The following PDE4B variants were observed in gnomAD, a reference collection of about 807,000 sequenced individuals.
PDE4B encodes the protein phosphodiesterase 4B.
A neutral mutation model predicts 82.2 loss-of-function variants in PDE4B; 20 were observed. That is an observed-to-expected ratio of 0.24 (90% CI 0.17 to 0.35). The LOEUF (loss-of-function observed/expected upper bound fraction) is 0.35, where lower values mean the gene tolerates loss of function less well. PDE4B is among the 10% of genes least tolerant of loss of function. PDE4B has a pLI of 1.00. For synonymous variants in PDE4B, 320 were observed against 318.9 expected (o/e 1.00, Z -0.04); for missense variants, 655 against 907.2 (o/e 0.72, Z 3.57).
At chr1:65,930,431 T>G (rs1647767238) in intron 3 of PDE4B, among the ~76,000 whole-genome samples, 1 of 152,226 alleles carries the variant, frequency 6.6e-6, no homozygotes, top group Non-Finnish European at 1.5e-5. Context: ...GCTTGTACCC[T>G]GCACCTGGAA....
At chr1:65,903,906 T>G (rs1027754075) in intron 1 of PDE4B, among the ~76,000 whole-genome samples, 1 of 152,212 alleles carries the variant, frequency 6.6e-6, no homozygotes, top group African/African-American at 2.4e-5. Context: ...TATATTTCAG[T>G]TAAGCCAGTA....
intron 3 of PDE4B, among the ~76,000 whole-genome samples, chr1:66,010,560 G>A (rs1341107940): frequency 1.3e-5 from 2 of 151,058 alleles, no homozygotes; most frequent in African/African-American, 4.8e-5. Flanking sequence ...TGGGCATTAA[G>A]TAGATATTAT....
chr1:66,192,607 C>A (rs1647918857), intron 3 of PDE4B, among the ~76,000 whole-genome samples: 2 of 152,138 alleles, frequency 1.3e-5, no homozygotes, highest in Admixed American at 1.3e-4. Context: ...GTGAGGTTCT[C>A]AAGAAATATA....
intron 3 of PDE4B, among the ~76,000 whole-genome samples, chr1:66,101,674 G>A (rs1446982617): frequency 6.6e-6 from 1 of 152,052 alleles, no homozygotes; most frequent in Middle Eastern, 3.2e-3. Flanking sequence ...CTTTTTGATG[G>A]GGTTGTTTGT....
chr1:66,204,451 G>A (rs1649357218), intron 3 of PDE4B, among the ~76,000 whole-genome samples: 1 of 152,250 alleles, frequency 6.6e-6, no homozygotes, highest in African/African-American at 2.4e-5. Context: ...CATAGGTGGA[G>A]CCTACAGAGG....
chr1:66,239,309 C>T (rs1275817697), intron 3 of PDE4B, among the ~76,000 whole-genome samples: 2 of 151,994 alleles, frequency 1.3e-5, no homozygotes, highest in Non-Finnish European at 2.9e-5. Context: ...TGCAAAGCCA[C>T]CCCCCTCCCT....
chr1:66,363,152 A>G lies in PDE4B; in HGVS notation c.1021-16A>G. Reference sequence around the variant, plus strand: ...ACTTTCCTTATTCCTAAATTCCTTTAAATTTTTAATTATAGGAGCTGGAAG... The same window carrying G: ...ACTTTCCTTATTCCTAAATTCCTTTGAATTTTTAATTATAGGAGCTGGAAG... On this transcript the variant is annotated splice_polypyrimidine_tract_variant and intron_variant, in intron 10 of 16. Transcript: ENST00000341517. 1 of 1,556,444 alleles carries G rather than the reference A, an allele frequency of 6.4e-7. No homozygotes were observed. Among genetic ancestry groups the G allele is most frequent in the African/African-American group, 1.4e-5 (1 of 72,834 alleles).
chr1:66,178,532 TTTAG>T (rs1188079279), intron 3 of PDE4B, among the ~76,000 whole-genome samples: 5 of 152,188 alleles, frequency 3.3e-5, no homozygotes, highest in African/African-American at 9.6e-5. Flanking sequence ...ATATTTAAAT[TTTAG>T]TTAATGAATA....
chr1:65,911,466 C>T (rs1647090035), intron 1 of PDE4B, among the ~76,000 whole-genome samples: 1 of 151,840 alleles, frequency 6.6e-6, no homozygotes, highest in South Asian at 2.1e-4. Flanking sequence ...GTTTTATATC[C>T]TGCGTTTAAA....
At chr1:66,050,623 C>T (rs1486207682) in intron 3 of PDE4B, 2 of 152,032 alleles carry the variant, frequency 1.3e-5, no homozygotes, top group Non-Finnish European at 2.9e-5. Flanking sequence ...AAAGCAATGC[C>T]TCCAGATGTA....
At chr1:66,351,145 A>G (rs1661787227) in intron 8 of PDE4B, among the ~76,000 whole-genome samples, 1 of 152,212 alleles carries the variant, frequency 6.6e-6, no homozygotes, top group South Asian at 2.1e-4. Context: ...GGAATTTTTT[A>G]TTAGAGTTTA....
chr1:65,896,641 A>G (rs1646913597), intron 1 of PDE4B, among the ~76,000 whole-genome samples: 1 of 152,178 alleles, frequency 6.6e-6, no homozygotes, highest in Non-Finnish European at 1.5e-5. Context: ...TATAGACTAC[A>G]TTTGTGGCTG....
chr1:66,364,000 G>A (rs897148042), intron 12 of PDE4B, among the ~76,000 whole-genome samples: 1 of 152,036 alleles, frequency 6.6e-6, no homozygotes, highest in Non-Finnish European at 1.5e-5. Flanking sequence ...TAACTGTAAA[G>A]CAATTAACAG....
intron 3 of PDE4B, among the ~76,000 whole-genome samples, chr1:66,196,331 C>T (rs902294998): frequency 6.6e-6 from 1 of 152,098 alleles, no homozygotes; most frequent in African/African-American, 2.4e-5. Context: ...AGGATGATGC[C>T]CTAGGCCTTT....
At chr1:65,874,151 TC>T (rs1437966094) in intron 1 of PDE4B, among the ~76,000 whole-genome samples, 2 of 151,922 alleles carry the variant, frequency 1.3e-5, no homozygotes, top group African/African-American at 4.8e-5. Context: ...TAAGTTAGAT[TC>T]CTAGGTATTT....
chr1:66,090,616 A>ATTTGTGTGTGTGTGTGTGT (rs200925983), intron 3 of PDE4B, among the ~76,000 whole-genome samples: 1 of 89,942 alleles, frequency 1.1e-5, no homozygotes, highest in African/African-American at 4.6e-5. Context: ...ATATGTATAT[A>ATTTGTGTGTGTGTGTGTGT]ATATATGTGT....
intron 3 of PDE4B, among the ~76,000 whole-genome samples, chr1:66,083,134 A>G (rs895615566): frequency 6.6e-6 from 1 of 152,118 alleles, no homozygotes; most frequent in Non-Finnish European, 1.5e-5. Flanking sequence ...CCATGCCTAT[A>G]GTATTTTCTC....
chr1:65,815,049 AT>A (rs1645865574), intron 1 of PDE4B, among the ~76,000 whole-genome samples: 1 of 146,012 alleles, frequency 6.8e-6, no homozygotes, highest in Non-Finnish European at 1.5e-5. Flanking sequence ...TTATTTATTT[AT>A]TTATTTATTT....
chr1:66,313,241 C>T (rs1169671755), intron 7 of PDE4B, among the ~76,000 whole-genome samples: 1 of 152,208 alleles, frequency 6.6e-6, no homozygotes, highest in East Asian at 1.9e-4. Flanking sequence ...TTCCAGGAAG[C>T]CTTCTCTAAC....
Sources: gnomAD v4.1 joint callset for allele counts (sites outside exome capture counted in the v4.1 genomes callset) on GRCh38, gnomAD v4.1.1 for gene constraint, MANE v1.5 for transcripts, NCBI Gene and HGNC (gene_info 2026-07-23, HGNC 2026-07-21) for gene names.